Variants in TRIM15 observed in about 807,000 individuals in gnomAD.
TRIM15 encodes tripartite motif containing 15.
Under a neutral mutation model 35.8 loss-of-function variants are expected in TRIM15, and 35 were observed. The ratio of observed to expected loss-of-function variants is 0.98; its 90% CI spans 0.75 to 1.30. The LOEUF is 1.30. Among genes scored for constraint, TRIM15 ranks in the 50% most tolerant of loss-of-function variants. The probability of loss-of-function intolerance (pLI) is 0.00; values close to 1 mark genes in which losing one functional copy is unlikely to be tolerated. For missense variants in TRIM15, 590 were observed against 593.5 expected (o/e 0.99, Z 0.06); for synonymous variants, 252 against 249.8 (o/e 1.01, Z -0.08).
chr6:30,170,499 A>C lies in TRIM15; in HGVS notation c.732-2A>C. 1 of 1,610,762 alleles carries C rather than the reference A, an allele frequency of 6.2e-7. No individual in the cohort carries two copies. Among genetic ancestry groups the C allele is most frequent in the Non-Finnish European group, 8.5e-7 (1 of 1,177,432 alleles). ...CTAACTGGTTACCAAACCTGTCTGC[A>C]GGTGTGAGATGAAGACTTTTGTGAG... is the stretch of plus-strand genomic sequence containing the variant. On this transcript the variant is annotated splice_acceptor_variant, in intron 4 of 6. Coordinates refer to ENST00000376694, the MANE Select transcript of TRIM15 (RefSeq NM_033229.3). LOFTEE classifies it high-confidence loss of function.
Position 30,172,115 on chromosome 6 carries a change from C to G in TRIM15, c.1164C>G (p.Ala388=), listed in dbSNP as rs987183893. 2 of 1,580,588 alleles carry G rather than the reference C, an allele frequency of 1.3e-6. No homozygotes were observed. The highest frequency in any genetic ancestry group is 1.7e-6 in the Non-Finnish European group (2 of 1,163,780). ...MGLSAEDGVW[A]VIISHQQCWA... ...TCAGCGCCGAGGACGGCGTCTGGGC[C>G]GTGATCATCTCGCACCAGCAGTGCT... is the stretch of plus-strand genomic sequence containing the variant. The change falls in exon 7 of 7, where the codon GCC becomes GCG. Residue 388 remains alanine (A), a synonymous_variant. Transcript: ENST00000376694.
chr6:30,170,659 GCCCTCC>G, intron 5 of TRIM15, 43 bp downstream of exon 5: 1 of 1,480,308 alleles, frequency 6.8e-7, no homozygotes, highest in South Asian at 1.2e-5. Flanking sequence ...CCCATTAGCT[GCCCTCC>G]TGTCTTCCAC....
In TRIM15 at chr6:30,168,406, A is replaced by G. The variant is rs2127458397; in HGVS notation, c.584A>G (p.Glu195Gly). ...CLLLARLREL[E>G]QQIWKERDEY... Reference sequence around the variant, plus strand: ...CTGCTGGCCAGGCTGAGGGAGCTGGAGCAGCAGATTTGGAAGGAGAGGGAT... The same window carrying G: ...CTGCTGGCCAGGCTGAGGGAGCTGGGGCAGCAGATTTGGAAGGAGAGGGAT... Residue 195 changes from glutamate to glycine, a missense_variant, in exon 3 of 7, where the codon GAG becomes GGG. Coordinates refer to ENST00000376694, the MANE Select transcript of TRIM15 (RefSeq NM_033229.3). The G allele has an allele frequency of 6.2e-7, 1 of 1,613,008 alleles. No homozygotes were observed. The highest frequency in any genetic ancestry group is 8.5e-7 in the Non-Finnish European group (1 of 1,180,010).
chr6:30,168,646 G>C (rs772029054), intron 3 of TRIM15, 116 bp downstream of exon 3: 29 of 1,008,222 alleles, frequency 2.9e-5, no homozygotes, highest in Non-Finnish European at 4.1e-5. Context: ...AGGTTAACGG[G>C]GTGCAGATCC....
At chr6:30,169,569 T>C in intron 4 of TRIM15, 1 of 652,494 alleles carries the variant, frequency 1.5e-6, no homozygotes, top group Non-Finnish European at 2.8e-6. Context: ...TATTAGTACT[T>C]GAGTCAGTAT....
chr6:30,170,937 T>C, intron 5 of TRIM15, 39 bp from the exon 6 acceptor site: 1 of 1,601,896 alleles, frequency 6.2e-7, no homozygotes, highest in Non-Finnish European at 8.5e-7. Context: ...TAAGAAGTAA[T>C]AAGTCACAGA....
intron 4 of TRIM15, among the ~76,000 whole-genome samples, chr6:30,169,683 T>C (rs1194044412): frequency 2.0e-5 from 3 of 152,246 alleles, no homozygotes; most frequent in South Asian, 4.1e-4. Context: ...ATTCATTTTT[T>C]ACACACATCT....
At chr6:30,165,552 G>A (rs2127455244) in intron 1 of TRIM15, among the ~76,000 whole-genome samples, 1 of 152,302 alleles carries the variant, frequency 6.6e-6, no homozygotes, top group East Asian at 1.9e-4. Flanking sequence ...GAACAGTGCT[G>A]CAATAAACAT....
At position 30,163,652 on chromosome 6, in the gene TRIM15, G is replaced by A. The variant is rs376378714; in HGVS notation, c.-33G>A. The A allele has an allele frequency of 3.1e-5, 49 of 1,572,642 alleles. 1 individual carries two copies. In the East Asian group the frequency reaches 8.5e-4, roughly 27 times the overall value. ...AAAGGGAACTCGCGTGGGCTGAGGAGACCGGAGTGGACGGGCTGGGGAAGG... is the reference window on the plus strand; with the variant it reads ...AAAGGGAACTCGCGTGGGCTGAGGAAACCGGAGTGGACGGGCTGGGGAAGG... On this transcript the variant is annotated 5_prime_UTR_variant, in exon 1 of 7. Coordinates refer to ENST00000376694, the MANE Select transcript of TRIM15 (RefSeq NM_033229.3).
chr6:30,172,468 A>ACTTGAGTCT lies in TRIM15; in HGVS notation c.*121_*129dup. On this transcript the variant is annotated 3_prime_UTR_variant, in exon 7 of 7. Coordinates refer to ENST00000376694, the MANE Select transcript of TRIM15 (RefSeq NM_033229.3). ...CCCGCGTGAGGCGAGAGAACAGGGG[A>ACTTGAGTCT]CTTGAGTCTCGAACAGCGGTTGTTT... is the stretch of plus-strand genomic sequence containing the variant. 4 of 1,413,096 alleles carry ACTTGAGTCT rather than the reference A, an allele frequency of 2.8e-6. No homozygotes were observed. The highest frequency in any genetic ancestry group is 3.8e-6 in the Non-Finnish European group (4 of 1,043,130). The allele number at this position is 1,413,096 out of a possible 1,614,324, so 87.5% of individuals were successfully genotyped here. A position where few individuals can be genotyped will look rare whatever the true frequency, so the allele number is the denominator to read the frequency against.
chr6:30,163,967 G>A lies in TRIM15; in HGVS notation c.283G>A (p.Glu95Lys), dbSNP rs1178596854. The A allele has an allele frequency of 3.1e-6, 5 of 1,613,016 alleles. No homozygotes were observed. Among genetic ancestry groups the A allele is most frequent in the African/African-American group, 2.7e-5 (2 of 74,948 alleles). The change falls in exon 1 of 7, where the codon GAG (glutamate) becomes AAG (lysine). Residue 95 changes from glutamate to lysine, a missense_variant. Physicochemically the swap from Glu to Lys is moderately conservative, Grantham distance 56. Transcript: ENST00000376694. Reference sequence around the variant, plus strand: ...CGGCGAGAAGATCTACTTCTTCTGCGAGAACGATGCCGAGTTCCTCTGTGT... The same window carrying A: ...CGGCGAGAAGATCTACTTCTTCTGCAAGAACGATGCCGAGTTCCTCTGTGT... ...EHGEKIYFFC[E>K]NDAEFLCVFC...
intron 1 of TRIM15, among the ~76,000 whole-genome samples, chr6:30,166,340 A>C (rs895900858): frequency 6.6e-6 from 1 of 152,054 alleles, no homozygotes; most frequent in Non-Finnish European, 1.5e-5. Flanking sequence ...AGTTTTCCCA[A>C]CACCATTTAT....
Position 30,170,362 on chromosome 6 carries a change from A to G in TRIM15, c.732-139A>G, listed in dbSNP as rs531320131. On this transcript the variant is annotated intron_variant, in intron 4 of 6. Coordinates refer to ENST00000376694, the MANE Select transcript of TRIM15 (RefSeq NM_033229.3). ...TTAGTAACTACACATTTCCAGCAAA[A>G]GTAAAGAAATGATACTCAATTTCAT... is the stretch of plus-strand genomic sequence containing the variant. 1.9e-4 allele frequency: 112 copies of G among 593,604 alleles called. No individual in the cohort carries two copies. In the African/African-American group the frequency reaches 1.9e-3, roughly 10 times the overall value. 36.8% of individuals were successfully genotyped at this position (593,604 alleles called of 1,614,324 possible).
At chr6:30,169,575 A>C (rs1322925027) in intron 4 of TRIM15, 1 of 642,700 alleles carries the variant, frequency 1.6e-6, no homozygotes, top group Non-Finnish European at 2.8e-6. Flanking sequence ...TACTTGAGTC[A>C]GTATCTAACA....
Position 30,163,678 on chromosome 6 carries a change from C to T in TRIM15, c.-7C>T. On this transcript the variant is annotated 5_prime_UTR_variant, in exon 1 of 7. Coordinates refer to ENST00000376694, the MANE Select transcript of TRIM15 (RefSeq NM_033229.3). ...ACCGGAGTGGACGGGCTGGGGAAGGCACCGTGATGCCCGCAACCCCGTCCC... is the reference window on the plus strand; with the variant it reads ...ACCGGAGTGGACGGGCTGGGGAAGGTACCGTGATGCCCGCAACCCCGTCCC... 6.3e-7 allele frequency: 1 copy of T among 1,595,192 alleles called. No homozygotes were observed. The highest frequency in any genetic ancestry group is 8.5e-7 in the Non-Finnish European group (1 of 1,169,620).
At chr6:30,170,920 G>T in intron 5 of TRIM15, 56 bp from the exon 6 acceptor site, 2 of 1,581,818 alleles carry the variant, frequency 1.3e-6, no homozygotes, top group Admixed American at 1.8e-5. Flanking sequence ...GCCCCTGGGG[G>T]TGCCTATAAG....
intron 6 of TRIM15, 92 bp downstream of exon 6, chr6:30,171,100 C>T: frequency 4.3e-6 from 6 of 1,401,558 alleles, no homozygotes; most frequent in Non-Finnish European, 5.9e-6. Flanking sequence ...AATTCTGGAG[C>T]TTGATTGCTT....
Position 30,171,910 on chromosome 6 carries a change from G to A in TRIM15, c.959G>A (p.Arg320Gln), listed in dbSNP as rs746569348. The A allele has an allele frequency of 4.4e-6, 7 of 1,600,540 alleles. No homozygotes were observed. The highest frequency in any genetic ancestry group is 5.1e-6 in the Non-Finnish European group (6 of 1,173,868). ...SEDRKSVRYT[R>Q]QKKSLPDSPL... ...GACAGGAAGTCAGTGAGGTACACCC[G>A]GCAGAAGAAGAGCCTGCCAGACAGC... is the stretch of plus-strand genomic sequence containing the variant. Residue 320 changes from arginine (R) to glutamine (Q), a missense_variant, in exon 7 of 7, where the codon CGG becomes CAG. Transcript: ENST00000376694.
rs1301500492 is a variant in TRIM15 at position 30,170,607 on chromosome 6, A to G, written c.838A>G (p.Met280Val). The change falls in exon 5 of 7, where the codon ATG becomes GTG. Residue 280 changes from methionine (M) to valine (V), a missense_variant. Coordinates refer to ENST00000376694, the MANE Select transcript of TRIM15 (RefSeq NM_033229.3). ...ACTCACCCTCCCAGAGATGATGAGG[A>G]TGTTCTCAGGTAAAGGGGAAGGCGC... The part of the protein sequence containing the change: ...KILTLPEMMR[M>V]FSENLAHHLE... 3.7e-6 allele frequency: 6 copies of G among 1,613,438 alleles called. 1 individual carries two copies. In the East Asian group the frequency reaches 8.9e-5, roughly 24 times the overall value.
Sources: allele counts gnomAD v4.1 joint callset (sites outside exome capture counted in the v4.1 genomes callset), GRCh38; gene constraint gnomAD v4.1.1; transcripts MANE v1.5; gene names NCBI Gene and HGNC (gene_info 2026-07-23, HGNC 2026-07-21).